PTPRN2: variants seen among roughly 807,000 people sequenced by gnomAD.
PTPRN2 encodes receptor-type tyrosine-protein phosphatase N2.
In PTPRN2, 74 loss-of-function variants were observed where a neutral mutation model predicts 118.8. The ratio of observed to expected loss-of-function variants is 0.62; its 90% CI spans 0.52 to 0.76. The LOEUF is 0.76. PTPRN2 is among the 30% of genes least tolerant of loss of function. PTPRN2 has a pLI of 0.00. For missense variants in PTPRN2, 1,481 were observed against 1,394.4 expected, an observed-to-expected ratio of 1.06 and a Z score of -0.99; for synonymous variants, 641 against 608.0, an observed-to-expected ratio of 1.05 and a Z score of -0.80.
chr7:157,721,860 C>T (rs1030118085), intron 12 of PTPRN2, among the ~76,000 whole-genome samples: 2 of 152,180 alleles, frequency 1.3e-5, no homozygotes, highest in Non-Finnish European at 2.9e-5. Flanking sequence ...TTTTATTCAT[C>T]GTGTTACAGA....
chr7:158,234,974 G>A (rs991325191), intron 3 of PTPRN2, among the ~76,000 whole-genome samples: 6 of 152,180 alleles, frequency 3.9e-5, no homozygotes, highest in Non-Finnish European at 5.9e-5. Context: ...ATGTTGGCCA[G>A]GCTGGTCTCG....
At chr7:157,917,246 A>C (rs140703953) in intron 11 of PTPRN2, among the ~76,000 whole-genome samples, 2 of 152,368 alleles carry the variant, frequency 1.3e-5, no homozygotes, top group Non-Finnish European at 2.9e-5. Context: ...CTCTCATTTT[A>C]AAATGTCCTG....
intron 12 of PTPRN2, among the ~76,000 whole-genome samples, chr7:157,810,422 C>T (rs1805921462): frequency 6.6e-6 from 1 of 151,796 alleles, no homozygotes; most frequent in African/African-American, 2.4e-5. Flanking sequence ...CTGCTGGGCA[C>T]AGGCTCTCCA....
chr7:157,730,983 G>C (rs560843097), intron 12 of PTPRN2, among the ~76,000 whole-genome samples: 4 of 152,000 alleles, frequency 2.6e-5, no homozygotes, highest in Admixed American at 2.6e-4. Flanking sequence ...GTGAGCTCAC[G>C]TCCTGCTCTG....
intron 3 of PTPRN2, among the ~76,000 whole-genome samples, chr7:158,228,561 C>A (rs759245728): frequency 2.0e-5 from 3 of 151,932 alleles, no homozygotes; most frequent in Non-Finnish European, 4.4e-5. Flanking sequence ...GAAGCAAAAA[C>A]ACACACAGCA....
intron 11 of PTPRN2, among the ~76,000 whole-genome samples, chr7:158,063,694 C>G (rs933594745): frequency 6.6e-6 from 1 of 152,172 alleles, no homozygotes; most frequent in Non-Finnish European, 1.5e-5. Context: ...AGAAGAAAAT[C>G]TGAATACATC....
At chr7:157,790,049 T>G (rs1475528319) in intron 12 of PTPRN2, among the ~76,000 whole-genome samples, 1 of 106,550 alleles carries the variant, frequency 9.4e-6, no homozygotes, top group African/African-American at 3.7e-5. Context: ...GTGTGTGGTG[T>G]TTGTGTGGTG....
At chr7:157,900,127 C>T (rs1563221005) in intron 11 of PTPRN2, among the ~76,000 whole-genome samples, 1 of 152,192 alleles carries the variant, frequency 6.6e-6, no homozygotes, top group Non-Finnish European at 1.5e-5. Context: ...ATGAAAACGG[C>T]AGCCCCAGCC....
At chr7:158,071,363 G>A (rs1446884857) in intron 11 of PTPRN2, among the ~76,000 whole-genome samples, 2 of 112,788 alleles carry the variant, frequency 1.8e-5, no homozygotes, top group Admixed American at 8.7e-5. Context: ...TGGTGGAGGT[G>A]CTCATGGTGG....
At chr7:158,184,707 G>A (rs1585771818) in intron 5 of PTPRN2, among the ~76,000 whole-genome samples, 1 of 152,298 alleles carries the variant, frequency 6.6e-6, no homozygotes, top group East Asian at 1.9e-4. Flanking sequence ...AGCTACTCGG[G>A]AGGCTGAGGT....
At chr7:158,292,055 G>A (rs1284456273) in intron 3 of PTPRN2, among the ~76,000 whole-genome samples, 2 of 152,208 alleles carry the variant, frequency 1.3e-5, no homozygotes, top group African/African-American at 4.8e-5. Flanking sequence ...CTAGCTTTTA[G>A]TGAGGCTTAA....
rs1417030800 is a variant in PTPRN2, at chr7:158,407,155, CTGGGT to C, written c.163+82575_163+82579del. Among the ~76,000 whole-genome samples, 77 of 121,058 alleles carry C rather than the reference CTGGGT, an allele frequency of 6.4e-4. 5 individuals are homozygous for C. In the East Asian group the frequency reaches 9.1e-3, roughly 14 times the overall value. The allele number at this position is 121,058 out of a possible 152,430, so 79.4% of individuals were successfully genotyped here. A position where few individuals can be genotyped will look rare whatever the true frequency, so the allele number is the denominator to read the frequency against. On this transcript the variant is annotated intron_variant, in intron 2 of 22. Coordinates refer to ENST00000389418, the MANE Select transcript of PTPRN2 (RefSeq NM_002847.5). ...GGTCCTGCGTCCTGCGTCCTGGGTC[CTGGGT>C]CCTGGGTCCTGCGTCCTGCGTCCTG...
intron 12 of PTPRN2, among the ~76,000 whole-genome samples, chr7:157,844,049 C>T (rs1304615635): frequency 4.6e-5 from 7 of 150,844 alleles, no homozygotes; most frequent in East Asian, 3.9e-4. Context: ...CCCTCCACGT[C>T]ATCGGTGTGG....
intron 14 of PTPRN2, among the ~76,000 whole-genome samples, chr7:157,651,906 C>A (rs185750742): frequency 6.6e-6 from 1 of 152,276 alleles, no homozygotes; most frequent in East Asian, 1.9e-4. Context: ...CCTGCCTCTC[C>A]CTCCTCTGAG....
intron 3 of PTPRN2, among the ~76,000 whole-genome samples, chr7:158,249,172 A>C (rs1445615820): frequency 6.6e-6 from 1 of 152,084 alleles, no homozygotes; most frequent in African/African-American, 2.4e-5. Context: ...ACACGTGCAC[A>C]CAGCACACAC....
chr7:157,721,469 C>T (rs1246721772), intron 12 of PTPRN2, among the ~76,000 whole-genome samples: 1 of 152,252 alleles, frequency 6.6e-6, no homozygotes, highest in East Asian at 1.9e-4. Flanking sequence ...GCCAAAGCAT[C>T]TCCACACGTC....
chr7:158,041,698 G>A (rs1808485713), intron 11 of PTPRN2, among the ~76,000 whole-genome samples: 1 of 152,178 alleles, frequency 6.6e-6, no homozygotes, highest in Non-Finnish European at 1.5e-5. Flanking sequence ...AACAATTGAA[G>A]GCTACAAATA....
At chr7:158,149,427 C>T (rs900858351) in intron 6 of PTPRN2, among the ~76,000 whole-genome samples, 3 of 148,276 alleles carry the variant, frequency 2.0e-5, no homozygotes, top group Admixed American at 6.8e-5. Context: ...AAGATGTTAC[C>T]TTTTCTCAAG....
At chr7:158,336,663 C>G (rs1422979024) in intron 2 of PTPRN2, among the ~76,000 whole-genome samples, 2 of 146,192 alleles carry the variant, frequency 1.4e-5, no homozygotes, top group South Asian at 2.2e-4. Context: ...CACTCACACC[C>G]ACACTCTCAC....
Sources: gnomAD v4.1 joint callset for allele counts (sites outside exome capture counted in the v4.1 genomes callset) on GRCh38, gnomAD v4.1.1 for gene constraint, MANE v1.5 for transcripts, NCBI Gene and HGNC (gene_info 2026-07-23, HGNC 2026-07-21) for gene names.